ARHGEF18: variants seen among roughly 807,000 people sequenced by gnomAD.
ARHGEF18 encodes the protein Rho/Rac guanine nucleotide exchange factor 18, also known as rho guanine nucleotide exchange factor 18.
Under a neutral mutation model 155.7 loss-of-function variants are expected in ARHGEF18, and 93 were observed. The observed-to-expected ratio is 0.60, with a 90% CI of 0.50 to 0.71. The LOEUF is 0.71. Among genes scored for constraint, ARHGEF18 ranks in the 30% least tolerant of loss-of-function variants. The pLI, the probability that ARHGEF18 is intolerant of heterozygous loss-of-function variation, is 0.00. For missense variants in ARHGEF18, 1,593 were observed against 1,816.1 expected (o/e 0.88, Z 2.23); for synonymous variants, 742 against 753.1 (o/e 0.99, Z 0.24).
At chr19:7,459,042 C>T (rs1246868846) in intron 19 of ARHGEF18, among the ~76,000 whole-genome samples, 2 of 152,236 alleles carry the variant, frequency 1.3e-5, no homozygotes, top group African/African-American at 2.4e-5. Flanking sequence ...TCCCCTCCCT[C>T]TCTTTATTTT....
chr19:7,407,911 G>A (rs947738867), intron 10 of ARHGEF18, among the ~76,000 whole-genome samples: 3 of 140,694 alleles, frequency 2.1e-5, no homozygotes, highest in Non-Finnish European at 4.5e-5. Context: ...GCAGTGAGCC[G>A]AGACCGCGCC....
intron 5 of ARHGEF18, among the ~76,000 whole-genome samples, chr19:7,378,193 C>T (rs778563636): frequency 1.4e-4 from 21 of 152,316 alleles, no homozygotes; most frequent in Admixed American, 3.9e-4. Context: ...GTTGTAAGCA[C>T]TCACGAGACA....
At chr19:7,403,010 A>G (rs1173599763) in intron 10 of ARHGEF18, among the ~76,000 whole-genome samples, 1 of 152,104 alleles carries the variant, frequency 6.6e-6, no homozygotes, top group Admixed American at 6.6e-5. Flanking sequence ...GTACAATTCA[A>G]TGTGTTTGTT....
Position 7,470,857 on chromosome 19 carries a change from A to T in ARHGEF18, c.*559A>T, listed in dbSNP as rs1976984437. The T allele has an allele frequency of 2.5e-6, 1 of 401,110 alleles. No individual in the cohort carries two copies. Among genetic ancestry groups the T allele is most frequent in the African/African-American group, 2.1e-5 (1 of 48,700 alleles). 24.8% of individuals were successfully genotyped at this position (401,110 alleles called of 1,614,324 possible). A position where few individuals can be genotyped will look rare whatever the true frequency, so the allele number is the denominator to read the frequency against. On this transcript the variant is annotated 3_prime_UTR_variant, in exon 29 of 29. Coordinates refer to ENST00000668164, the MANE Select transcript of ARHGEF18 (RefSeq NM_001367823.1). The surrounding 1 kb of genome is among the most constrained non-coding windows in gnomAD (Gnocchi z 5.9). ...AAACAGAGCCCCACGCAGGTTCACC[A>T]TGAACCTCAGGGTCAGGGAATGAGC...
Position 7,439,979 on chromosome 19 carries a change from C to A in ARHGEF18, c.968-365C>A, listed in dbSNP as rs1420514177. The A allele has an allele frequency of 2.6e-6, 4 of 1,545,638 alleles. No individual in the cohort carries two copies. In the East Asian group the frequency reaches 9.8e-5, roughly 38 times the overall value. On this transcript the variant is annotated intron_variant, in intron 10 of 28. Coordinates refer to ENST00000668164, the MANE Select transcript of ARHGEF18 (RefSeq NM_001367823.1). ...GGACCAATATCCTGCCCTCCAGACC[C>A]GCTGCTTCAGCCAATACAGCAAGGG...
At chr19:7,371,082 T>A (rs1196648338) in intron 2 of ARHGEF18, among the ~76,000 whole-genome samples, 1 of 152,062 alleles carries the variant, frequency 6.6e-6, no homozygotes, top group Non-Finnish European at 1.5e-5. Flanking sequence ...AGCTCACTTT[T>A]AAATTTTTTT....
At chr19:7,385,579 G>A (rs1970967775) in intron 10 of ARHGEF18, among the ~76,000 whole-genome samples, 1 of 151,148 alleles carries the variant, frequency 6.6e-6, no homozygotes, top group Non-Finnish European at 1.5e-5. Context: ...AGGTTCAAGC[G>A]ATTCTCCTGC....
the ARHGEF18 span, chr19:7,478,437 A>G: frequency 2.6e-6 from 4 of 1,526,370 alleles, no homozygotes; most frequent in Non-Finnish European, 3.6e-6. Context: ...TAGCTCCACA[A>G]CGCTGGCCCC....
chr19:7,395,367 C>T lies in ARHGEF18; in HGVS notation c.967+12164C>T, dbSNP rs2145536894. The T allele has an allele frequency of 2.1e-6, 2 of 955,108 alleles. No individual in the cohort carries two copies. The highest frequency in any genetic ancestry group is 1.8e-5 in the African/African-American group (1 of 56,710). The allele number at this position is 955,108 out of a possible 1,614,324, so 59.2% of individuals were successfully genotyped here. On this transcript the variant is annotated intron_variant, in intron 10 of 28. Coordinates refer to ENST00000668164, the MANE Select transcript of ARHGEF18 (RefSeq NM_001367823.1). This position sits in a 1 kb window ranked among gnomAD's most constrained non-coding sequence, Gnocchi z 5.0. ...GGCTGCCTCGGGCCTCCCGCCGGCT[C>T]CTGGGGGACTTCTCCAGGCAGGCGA...
At chr19:7,387,020 C>T (rs1235931855) in intron 10 of ARHGEF18, among the ~76,000 whole-genome samples, 2 of 152,120 alleles carry the variant, frequency 1.3e-5, no homozygotes, top group African/African-American at 4.8e-5. Context: ...CTGCGTTTTT[C>T]TGGAGGAGCA....
At chr19:7,352,516 A>G (rs1600162830) in intron 1 of ARHGEF18, among the ~76,000 whole-genome samples, 1 of 132,770 alleles carries the variant, frequency 7.5e-6, no homozygotes, top group Non-Finnish European at 1.6e-5. Flanking sequence ...TGTCCTTCTC[A>G]CTTTCCTAGG....
chr19:7,476,718 C>T (rs1358593133), downstream of ARHGEF18, among the ~76,000 whole-genome samples: 3 of 152,176 alleles, frequency 2.0e-5, no homozygotes, highest in South Asian at 2.1e-4. Context: ...ACTTGGGGTC[C>T]GTGGGCAACG....
Position 7,466,804 on chromosome 19 carries a change from C to CAAAAAAAAAAA in ARHGEF18, c.2905-102_2905-92dup, listed in dbSNP as rs965666634. ...GGGCAACAAGAGCAGAATTCCGTCT[C>CAAAAAAAAAAA]AAAAAAAAAAAAAAAAAAAAAAGTT... On this transcript the variant is annotated intron_variant, in intron 23 of 28. Coordinates refer to ENST00000668164, the MANE Select transcript of ARHGEF18 (RefSeq NM_001367823.1). The CAAAAAAAAAAA allele has an allele frequency of 1.3e-4, 66 of 495,972 alleles. No homozygotes were observed. The African/African-American group carries it at 2.6e-3, about 19-fold the overall frequency. 30.7% of individuals were successfully genotyped at this position (495,972 alleles called of 1,614,324 possible).
intron 10 of ARHGEF18, among the ~76,000 whole-genome samples, chr19:7,398,093 G>A (rs1026820290): frequency 1.1e-4 from 16 of 151,528 alleles, no homozygotes; most frequent in African/African-American, 3.6e-4. Context: ...TTTGTTTTTT[G>A]AGACGGTCTC....
rs183690284 is a variant in ARHGEF18 at position 7,368,529 on chromosome 19, T to C, written c.16-4283T>C. ...CTCCCTCCCTCAATGTACCTACCAG[T>C]GGGAGCTGGAACAGCCTGTACTGCC... On this transcript the variant is annotated intron_variant, in intron 2 of 28. Coordinates refer to ENST00000668164, the MANE Select transcript of ARHGEF18 (RefSeq NM_001367823.1). Among the ~76,000 whole-genome samples, 765 of 152,050 alleles carry C rather than the reference T, an allele frequency of 5.0e-3. 11 individuals carry two copies. The highest frequency in any genetic ancestry group is 0.018 in the African/African-American group (739 of 41,478).
Position 7,380,972 on chromosome 19 carries a change from A to T in ARHGEF18, c.700A>T (p.Thr234Ser). Residue 234 changes from threonine (T) to serine (S), a missense_variant, in exon 8 of 29, where the codon ACC (threonine) becomes TCC (serine). Transcript: ENST00000668164. ...CCCCGGAGGAGCCCACTCGAACCTGACCTGGTTTGAATTCCTGTCGGAGTA... is the reference window on the plus strand; with the variant it reads ...CCCCGGAGGAGCCCACTCGAACCTGTCCTGGTTTGAATTCCTGTCGGAGTA... ...ASPGGAHSNL[T>S]WFEFLSESED... 8.1e-7 allele frequency: 1 copy of T among 1,232,194 alleles called. No homozygotes were observed. Among genetic ancestry groups the T allele is most frequent in the African/African-American group, 1.5e-5 (1 of 64,540 alleles). The allele number at this position is 1,232,194 out of a possible 1,614,324, so 76.3% of individuals were successfully genotyped here.
downstream of ARHGEF18, among the ~76,000 whole-genome samples, chr19:7,473,679 G>A (rs146147426): frequency 0.099 from 14,986 of 151,362 alleles, 818 homozygotes; most frequent in Non-Finnish European, 0.13. Flanking sequence ...GCGTGGTGGC[G>A]GGCGCCTGTA....
intron 2 of ARHGEF18, among the ~76,000 whole-genome samples, chr19:7,367,881 TATTTTATATATA>T (rs1969992367): frequency 2.5e-5 from 1 of 39,478 alleles, no homozygotes; most frequent in Non-Finnish European, 3.8e-5. Context: ...TATATATATA[TATTTTATATATA>T]TTTTTTATAT....
In ARHGEF18 at chr19:7,442,824, A is replaced by G. The variant is rs1437267593; in HGVS notation, c.1360+772A>G. The stretch of plus-strand genomic sequence containing the variant: ...CAGACTTAGTGTCCATGAAGGCCCC[A>G]TTTCCTGGCTTCCTGCTGGTGGCAT... On this transcript the variant is annotated intron_variant, in intron 13 of 28. Coordinates refer to ENST00000668164, the MANE Select transcript of ARHGEF18 (RefSeq NM_001367823.1). 3.9e-5 allele frequency among the ~76,000 whole-genome samples: 6 copies of G among 152,248 alleles called. 1 individual carries two copies. In the South Asian group the frequency reaches 1.0e-3, roughly 26 times the overall value.
Sources: allele counts gnomAD v4.1 joint callset (sites outside exome capture counted in the v4.1 genomes callset), GRCh38; gene constraint gnomAD v4.1.1; non-coding constraint Gnocchi (gnomAD v3.1); transcripts MANE v1.5; gene names NCBI Gene and HGNC (gene_info 2026-07-23, HGNC 2026-07-21).